The following ANXA2 variants were observed in gnomAD, a reference collection of about 807,000 sequenced individuals.
ANXA2 encodes annexin II.
Under a neutral mutation model 47.3 loss-of-function variants are expected in ANXA2, and 28 were observed. That is an observed-to-expected ratio of 0.59 (90% CI 0.44 to 0.81). ANXA2 has a LOEUF of 0.81. Among genes scored for constraint, ANXA2 ranks in the 40% least tolerant of loss-of-function variants. The probability of loss-of-function intolerance (pLI) is 0.00; values close to 1 mark genes in which losing one functional copy is unlikely to be tolerated. For synonymous variants in ANXA2, 172 were observed against 155.5 expected, an observed-to-expected ratio of 1.11 and a Z score of -0.79; for missense variants, 384 against 414.3, an observed-to-expected ratio of 0.93 and a Z score of 0.64.
At chr15:60,384,587 A>T (rs997875577) in intron 2 of ANXA2, 2 of 152,248 alleles carry the variant, frequency 1.3e-5, no homozygotes. Flanking sequence ...ATACAATCTA[A>T]GTCCATTAGA....
chr15:60,366,287 G>C (rs1384016409), intron 3 of ANXA2, among the ~76,000 whole-genome samples: 1 of 151,384 alleles, frequency 6.6e-6, no homozygotes, highest in African/African-American at 2.4e-5. Flanking sequence ...GAAGTGAGGA[G>C]CGTCTCTGCC....
chr15:60,393,747 A>T lies in ANXA2; in HGVS notation c.-12+4196T>A, dbSNP rs116801341. The T allele has an allele frequency of 1.3e-3, 1,173 of 925,544 alleles. 9 individuals are homozygous for T. In the African/African-American group the frequency reaches 0.02, roughly 16 times the overall value. The allele number at this position is 925,544 out of a possible 1,614,324, so 57.3% of individuals were successfully genotyped here. A position where few individuals can be genotyped will look rare whatever the true frequency, so the allele number is the denominator to read the frequency against. ...GCTTTTTGTGTGTCTGTGCAACATT[A>T]GAGTTACATGTGTAAAGTCTGTCTT... On this transcript the variant is annotated intron_variant, in intron 1 of 12. Coordinates refer to ENST00000451270, the MANE Select transcript of ANXA2 (RefSeq NM_004039.3).
intron 1 of ANXA2, among the ~76,000 whole-genome samples, chr15:60,391,962 G>A (rs1008450939): frequency 1.3e-5 from 2 of 151,646 alleles, no homozygotes; most frequent in African/African-American, 2.4e-5. Context: ...CATCAGTGCC[G>A]TGCCTTCCAT....
rs533222569 is a variant in ANXA2, at chr15:60,396,700, C to T, written c.-12+1243G>A. On this transcript the variant is annotated intron_variant, in intron 1 of 12. Transcript: ENST00000451270. The stretch of plus-strand genomic sequence containing the variant: ...GCAACACTGTTTCAGTGGGAAAGTG[C>T]ATTCTGCATTCCAAGTCACCAAGTT... Among the ~76,000 whole-genome samples, 4 of 152,300 alleles carry T rather than the reference C, an allele frequency of 2.6e-5. No homozygotes were observed. The East Asian group carries it at 7.7e-4, about 29-fold the overall frequency.
chr15:60,372,403 C>CA (rs1425691002), intron 3 of ANXA2, among the ~76,000 whole-genome samples: 1 of 152,158 alleles, frequency 6.6e-6, no homozygotes, highest in Non-Finnish European at 1.5e-5. Flanking sequence ...CTGCACTAGG[C>CA]AACTCTGCCT....
At chr15:60,391,450 A>T (rs938635248) in intron 1 of ANXA2, among the ~76,000 whole-genome samples, 4 of 152,152 alleles carry the variant, frequency 2.6e-5, no homozygotes, top group African/African-American at 9.7e-5. Flanking sequence ...GAAGAACAAG[A>T]CTACAGGCTG....
At chr15:60,397,789 C>G (rs2063101757) in intron 1 of ANXA2, 154 bp downstream of exon 1, 1 of 1,242,864 alleles carries the variant, frequency 8.0e-7, no homozygotes, top group Admixed American at 4.0e-5. Context: ...CCCAAAGACT[C>G]TCCAGTGCCG....
chr15:60,360,658 T>G (rs557541829), intron 5 of ANXA2, among the ~76,000 whole-genome samples: 7 of 152,302 alleles, frequency 4.6e-5, no homozygotes, highest in African/African-American at 1.7e-4. Flanking sequence ...GGAAGTGTAA[T>G]CAAGGAAGTA....
intron 3 of ANXA2, among the ~76,000 whole-genome samples, chr15:60,377,182 G>A (rs932580443): frequency 6.6e-6 from 1 of 152,096 alleles, no homozygotes; most frequent in African/African-American, 2.4e-5. Flanking sequence ...AAGGCAAAAG[G>A]CATTCTAAAA....
chr15:60,354,521 T>C (rs532659840), intron 7 of ANXA2, among the ~76,000 whole-genome samples: 2 of 148,812 alleles, frequency 1.3e-5, no homozygotes, highest in East Asian at 2.0e-4. Context: ...TCCCAGCTAC[T>C]CGGGAGGCTG....
chr15:60,366,262 C>T (rs1035003128), intron 3 of ANXA2, among the ~76,000 whole-genome samples: 5 of 151,390 alleles, frequency 3.3e-5, no homozygotes, highest in African/African-American at 1.2e-4. Flanking sequence ...TCTGCCCGGC[C>T]GCCACCCCGT....
At chr15:60,363,109 A>G (rs2062543158) in intron 4 of ANXA2, 1 of 150,552 alleles carries the variant, frequency 6.6e-6, no homozygotes, top group Non-Finnish European at 1.5e-5. Flanking sequence ...TTCCAAGACC[A>G]TACTCTGTGA....
chr15:60,386,027 C>T lies in ANXA2; in HGVS notation c.48+1G>A. ...ATATAAAGTGAAAGTGATATACTTA[C>T]ATCACCCTCCAAGCTGAGCTTGCAC... On this transcript the variant is annotated splice_donor_variant, in intron 2 of 12. Transcript: ENST00000451270. LOFTEE classifies it high-confidence loss of function. The T allele has an allele frequency of 6.2e-7, 1 of 1,608,024 alleles. No homozygotes were observed. The highest frequency in any genetic ancestry group is 8.5e-7 in the Non-Finnish European group (1 of 1,175,858).
chr15:60,347,578 T>G lies in ANXA2; in HGVS notation c.*52A>C. On this transcript the variant is annotated 3_prime_UTR_variant, in exon 13 of 13. Transcript: ENST00000451270. ...TCGCAAGCTGGTTTTCTAGACCTGT[T>G]AGCTGGAAGCATGGTGAGCACCATT... 6.3e-7 allele frequency: 1 copy of G among 1,587,824 alleles called. No homozygotes were observed. The highest frequency in any genetic ancestry group is 8.6e-7 in the Non-Finnish European group (1 of 1,156,340).
In ANXA2 at chr15:60,347,555, GCA is replaced by G. The variant is rs1895775079; in HGVS notation, c.*73_*74del. ...GGGATGGCCACGGGGACTGTTATTC[GCA>G]AGCTGGTTTTCTAGACCTGTTAGCT... On this transcript the variant is annotated 3_prime_UTR_variant, in exon 13 of 13. Coordinates refer to ENST00000451270, the MANE Select transcript of ANXA2 (RefSeq NM_004039.3). The G allele has an allele frequency of 1.3e-6, 2 of 1,482,268 alleles. No homozygotes were observed. The highest frequency in any genetic ancestry group is 2.8e-5 in the African/African-American group (2 of 72,198). 91.8% of individuals were successfully genotyped at this position (1,482,268 alleles called of 1,614,324 possible).
At chr15:60,367,706 C>T (rs2062651172) in intron 3 of ANXA2, among the ~76,000 whole-genome samples, 2 of 108,462 alleles carry the variant, frequency 1.8e-5, no homozygotes, top group Admixed American at 8.6e-5. Flanking sequence ...TCAGCCCCCG[C>T]CCGGCCAGCC....
intron 6 of ANXA2, among the ~76,000 whole-genome samples, 170 bp downstream of exon 6, chr15:60,356,976 T>C (rs2062440285): frequency 6.6e-6 from 1 of 151,782 alleles, no homozygotes; most frequent in Admixed American, 6.6e-5. Context: ...AATGAGGAGG[T>C]GAAGGAGAGA....
chr15:60,347,594 G>T lies in ANXA2; in HGVS notation c.*36C>A. 1 of 1,608,824 alleles carries T rather than the reference G, an allele frequency of 6.2e-7. No individual in the cohort carries two copies. The highest frequency in any genetic ancestry group is 1.1e-5 in the South Asian group (1 of 90,946). ...TAGACCTGTTAGCTGGAAGCATGGT[G>T]AGCACCATTTCTGGACGCTCAGGCC... On this transcript the variant is annotated 3_prime_UTR_variant, in exon 13 of 13. Transcript: ENST00000451270.
At chr15:60,390,353 G>C in intron 1 of ANXA2, 1 of 803,246 alleles carries the variant, frequency 1.2e-6, no homozygotes, top group South Asian at 2.0e-5. Context: ...CTCCCATGCC[G>C]ATAGCATTCC....
Sources: gnomAD v4.1 joint callset for allele counts (sites outside exome capture counted in the v4.1 genomes callset) on GRCh38, gnomAD v4.1.1 for gene constraint, MANE v1.5 for transcripts, NCBI Gene and HGNC (gene_info 2026-07-23, HGNC 2026-07-21) for gene names.